Variants in NEGR1 observed in about 807,000 individuals in gnomAD.
NEGR1 encodes the protein IgLON family member 4.
A neutral mutation model predicts 40.9 loss-of-function variants in NEGR1; 10 were observed. The ratio of observed to expected loss-of-function variants is 0.24; its 90% confidence interval spans 0.15 to 0.42. NEGR1 has a LOEUF of 0.42. Ranked by LOEUF, NEGR1 falls within the 10% of genes least tolerant of loss-of-function variation. The pLI, the probability that NEGR1 is intolerant of heterozygous loss-of-function variation, is 1.00. For synonymous variants in NEGR1, 185 were observed against 166.8 expected (o/e 1.11, Z -0.84); for missense variants, 352 against 438.9 (o/e 0.80, Z 1.77).
At chr1:72,116,550 C>T (rs892705204) in intron 1 of NEGR1, among the ~76,000 whole-genome samples, 3 of 151,570 alleles carry the variant, frequency 2.0e-5, no homozygotes, top group African/African-American at 7.3e-5. Flanking sequence ...TGAAAATAGT[C>T]GTGGTTTTAA....
chr1:71,853,442 A>G (rs1487468891), intron 2 of NEGR1, among the ~76,000 whole-genome samples: 1 of 152,104 alleles, frequency 6.6e-6, no homozygotes, highest in Non-Finnish European at 1.5e-5. Context: ...ATTAAAATAT[A>G]TATGTTAGTG....
chr1:72,247,570 T>C (rs1286847833), intron 1 of NEGR1, among the ~76,000 whole-genome samples: 1 of 152,172 alleles, frequency 6.6e-6, no homozygotes, highest in East Asian at 1.9e-4. Context: ...TTTACTCCAG[T>C]TCCCAATAAC....
chr1:71,446,233 A>G (rs1395389623), intron 6 of NEGR1, among the ~76,000 whole-genome samples: 1 of 152,172 alleles, frequency 6.6e-6, no homozygotes, highest in Non-Finnish European at 1.5e-5. Context: ...ACAGAAAACC[A>G]TGAAGAAGAG....
chr1:71,820,536 T>C (rs1436800059), intron 2 of NEGR1, among the ~76,000 whole-genome samples: 5 of 152,018 alleles, frequency 3.3e-5, no homozygotes, highest in African/African-American at 9.7e-5. Context: ...CCCATCATCA[T>C]GGTCTCCTTG....
intron 1 of NEGR1, among the ~76,000 whole-genome samples, chr1:72,231,127 G>A (rs1290109022): frequency 6.6e-6 from 1 of 152,152 alleles, no homozygotes; most frequent in Non-Finnish European, 1.5e-5. Flanking sequence ...GTAGGCAGAT[G>A]GAAGAAAGTG....
intron 2 of NEGR1, among the ~76,000 whole-genome samples, chr1:71,928,876 C>T (rs1645827486): frequency 6.6e-6 from 1 of 151,912 alleles, no homozygotes; most frequent in African/African-American, 2.4e-5. Context: ...ATTAGTCTGC[C>T]TGAGCTCAGT....
At chr1:71,822,110 A>G (rs78214415) in intron 2 of NEGR1, among the ~76,000 whole-genome samples, 1 of 152,008 alleles carries the variant, frequency 6.6e-6, no homozygotes, top group East Asian at 2.0e-4. Context: ...AGTGAGGGAA[A>G]ATTATTTCAG....
intron 5 of NEGR1, among the ~76,000 whole-genome samples, chr1:71,593,955 A>G (rs1484761819): frequency 3.3e-5 from 5 of 152,222 alleles, no homozygotes. Context: ...CAAAGCAAAT[A>G]CATTGAATTG....
At chr1:71,986,788 A>T (rs895659058) in intron 1 of NEGR1, among the ~76,000 whole-genome samples, 3 of 152,222 alleles carry the variant, frequency 2.0e-5, no homozygotes, top group Admixed American at 6.5e-5. Flanking sequence ...GTCCATTCTC[A>T]TGAGTGTATT....
chr1:71,867,024 T>C (rs1245620447), intron 2 of NEGR1, among the ~76,000 whole-genome samples: 4 of 152,174 alleles, frequency 2.6e-5, no homozygotes, highest in Non-Finnish European at 5.9e-5. Context: ...ACGAATATTA[T>C]TGTGCCTTTG....
intron 6 of NEGR1, among the ~76,000 whole-genome samples, chr1:71,564,842 T>A (rs2101485010): frequency 6.6e-6 from 1 of 152,244 alleles, no homozygotes; most frequent in South Asian, 2.1e-4. Context: ...AGATAATCTC[T>A]TCCTGTGCCC....
chr1:72,001,875 G>T (rs1646560436), intron 1 of NEGR1, among the ~76,000 whole-genome samples: 1 of 151,808 alleles, frequency 6.6e-6, no homozygotes, highest in Admixed American at 6.6e-5. Flanking sequence ...GTCATATCAA[G>T]AAAACTATCC....
At chr1:71,813,898 C>A (rs890052959) in intron 2 of NEGR1, among the ~76,000 whole-genome samples, 2 of 152,060 alleles carry the variant, frequency 1.3e-5, no homozygotes, top group African/African-American at 4.8e-5. Flanking sequence ...TTGACTTCCT[C>A]CCTTCCTATT....
At chr1:71,816,931 C>A (rs1343046175) in intron 2 of NEGR1, among the ~76,000 whole-genome samples, 1 of 127,248 alleles carries the variant, frequency 7.9e-6, no homozygotes, top group Non-Finnish European at 1.6e-5. Context: ...TCCTTTTTTT[C>A]TCTATCTATC....
chr1:72,044,175 A>G (rs1419349909), intron 1 of NEGR1, among the ~76,000 whole-genome samples: 1 of 151,630 alleles, frequency 6.6e-6, no homozygotes, highest in East Asian at 1.9e-4. Flanking sequence ...TTGACATATA[A>G]TAACTACTCA....
chr1:71,645,698 G>A (rs573127659), intron 4 of NEGR1, among the ~76,000 whole-genome samples: 193 of 151,894 alleles, frequency 1.3e-3, no homozygotes, highest in Non-Finnish European at 1.6e-3. Flanking sequence ...GTTTCTGGAC[G>A]TTTGAAGAAT....
intron 3 of NEGR1, among the ~76,000 whole-genome samples, chr1:71,711,906 A>C (rs1570245909): frequency 6.6e-6 from 1 of 152,236 alleles, no homozygotes; most frequent in African/African-American, 2.4e-5. Context: ...CACATGCACA[A>C]AATAAAATAG....
intron 4 of NEGR1, among the ~76,000 whole-genome samples, chr1:71,644,015 C>A (rs1201746163): frequency 6.6e-6 from 1 of 151,924 alleles, no homozygotes; most frequent in East Asian, 1.9e-4. Flanking sequence ...GAATTCTTTT[C>A]TTGTACAGCT....
rs546178259 is a variant in NEGR1, at chr1:71,531,048, CATTTTACAAATGGAAACTCTGAGTAT to C, written c.940+61743_940+61768del. Reference sequence around the variant, plus strand: ...TACTATCCTTATTGTACACCCACCCCATTTTACAAATGGAAACTCTGAGTATAGAGTGGTTAAGTAACCTGACTTGA... The same window carrying C: ...TACTATCCTTATTGTACACCCACCCCAGAGTGGTTAAGTAACCTGACTTGA... On this transcript the variant is annotated intron_variant, in intron 6 of 6. Transcript: ENST00000357731. Among the ~76,000 whole-genome samples, 135 of 151,388 alleles carry C rather than the reference CATTTTACAAATGGAAACTCTGAGTAT, an allele frequency of 8.9e-4. 1 individual carries two copies. Among genetic ancestry groups the C allele is most frequent in the African/African-American group, 3.2e-3 (131 of 41,434 alleles).
Sources: allele counts gnomAD v4.1 joint callset (sites outside exome capture counted in the v4.1 genomes callset), GRCh38; gene constraint gnomAD v4.1.1; transcripts MANE v1.5; gene names NCBI Gene and HGNC (gene_info 2026-07-23, HGNC 2026-07-21).